The following COL5A1 variants were observed in gnomAD, a reference collection of about 807,000 sequenced individuals.
COL5A1 encodes the protein collagen alpha-1(V) chain.
Under a neutral mutation model 263.7 loss-of-function variants are expected in COL5A1, and 16 were observed. That is an observed-to-expected ratio of 0.06 (90% CI 0.04 to 0.09). The LOEUF is 0.09. Among genes scored for constraint, COL5A1 ranks in the 10% least tolerant of loss-of-function variants. The pLI, the probability that COL5A1 is intolerant of heterozygous loss-of-function variation, is 1.00. For synonymous variants in COL5A1, 1,012 were observed against 1,004.5 expected, an observed-to-expected ratio of 1.01 and a Z score of -0.14; for missense variants, 2,036 against 2,540.5, an observed-to-expected ratio of 0.80 and a Z score of 4.27.
intron 16 of COL5A1, 113 bp from the exon 17 acceptor site, chr9:134,756,652 G>T: frequency 8.6e-7 from 1 of 1,168,442 alleles, no homozygotes; most frequent in Non-Finnish European, 1.3e-6. Flanking sequence ...TGACCTTGGG[G>T]GTGGGCGCGG....
rs144146163 is a variant in COL5A1 at position 134,715,795 on chromosome 9, C to T, written c.655-11471C>T. Among the ~76,000 whole-genome samples, 1,156 of 152,344 alleles carry T rather than the reference C, an allele frequency of 7.6e-3. 13 individuals carry two copies. Among genetic ancestry groups the T allele is most frequent in the African/African-American group, 0.027 (1,102 of 41,574 alleles). Reference sequence around the variant, plus strand: ...GTTACAGATTAACAGCATCTCAAGTCAGAAGAATTTTTCTTAGTACAGAAC... The same window carrying T: ...GTTACAGATTAACAGCATCTCAAGTTAGAAGAATTTTTCTTAGTACAGAAC... On this transcript the variant is annotated intron_variant, in intron 4 of 65. Transcript: ENST00000371817.
chr9:134,833,173 A>T (rs568864700), intron 64 of COL5A1, among the ~76,000 whole-genome samples: 1 of 152,236 alleles, frequency 6.6e-6, no homozygotes, highest in Non-Finnish European at 1.5e-5. Flanking sequence ...GGTCCTGCCT[A>T]GGCCAGGAGA....
At chr9:134,699,874 C>G in intron 2 of COL5A1, 35 bp from the exon 3 acceptor site, 1 of 1,605,870 alleles carries the variant, frequency 6.2e-7, no homozygotes, top group Non-Finnish European at 8.5e-7. Context: ...GCAGGGGCTC[C>G]CCGACTGCCT....
Position 134,829,514 on chromosome 9 carries a change from G to A in COL5A1, c.5068-462G>A, listed in dbSNP as rs560153358. 5.6e-3 allele frequency among the ~76,000 whole-genome samples: 818 copies of A among 145,842 alleles called. 17 individuals are homozygous for A. Among genetic ancestry groups the A allele is most frequent in the African/African-American group, 0.02 (773 of 38,338 alleles). On this transcript the variant is annotated intron_variant, in intron 63 of 65. Transcript: ENST00000371817. The stretch of plus-strand genomic sequence containing the variant: ...TCCTCACGCAGCCTCCAGTCTCCCC[G>A]AGGGCTGGGGCCAGGCTCCTCCTCA...
In COL5A1 at chr9:134,818,649, C is replaced by G; in HGVS notation, c.4231-7C>G. 6.2e-7 allele frequency: 1 copy of G among 1,605,828 alleles called. No homozygotes were observed. The highest frequency in any genetic ancestry group is 8.5e-7 in the Non-Finnish European group (1 of 1,176,472). On this transcript the variant is annotated splice_region_variant and splice_polypyrimidine_tract_variant and intron_variant, in intron 54 of 65. Coordinates refer to ENST00000371817, the MANE Select transcript of COL5A1 (RefSeq NM_000093.5). The surrounding 1 kb of genome is among the most constrained non-coding windows in gnomAD (Gnocchi z 6.0). ...CGGACCTCATTCTGCCCTCCGCCGT[C>G]CTGCAGGGAGAAGCCGGCTTGGAAG... is the stretch of plus-strand genomic sequence containing the variant.
intron 41 of COL5A1, among the ~76,000 whole-genome samples, chr9:134,805,850 C>T (rs559720083): frequency 2.0e-5 from 3 of 149,970 alleles, no homozygotes; most frequent in Non-Finnish European, 4.4e-5. Context: ...GGGGGTGCCT[C>T]ACAGACATGT....
Position 134,811,546 on chromosome 9 carries a change from G to A in COL5A1, c.3637G>A (p.Gly1213Ser). ...RGQQGLFGQK[G>S]DEGPRGFPGP... ...CCAGCAGGGCCTTTTCGGGCAGAAAGGTGATGAAGGTCCCAGAGGCTTTCC... is the reference window on the plus strand; with the variant it reads ...CCAGCAGGGCCTTTTCGGGCAGAAAAGTGATGAAGGTCCCAGAGGCTTTCC... The change falls in exon 46 of 66, where the codon GGT becomes AGT. Residue 1213 changes from glycine (G) to serine (S), a missense_variant. By Grantham distance (56) the Gly-to-Ser change is moderately conservative (BLOSUM62 0). This residue lies in a region of COL5A1 where 1,078 missense variants were observed against 1,521.4 expected (regional missense o/e 0.71). Transcript: ENST00000371817. The A allele has an allele frequency of 6.3e-7, 1 of 1,585,060 alleles. No homozygotes were observed. Among genetic ancestry groups the A allele is most frequent in the Non-Finnish European group, 8.6e-7 (1 of 1,165,088 alleles).
intron 1 of COL5A1, among the ~76,000 whole-genome samples, chr9:134,649,167 C>T (rs1232103270): frequency 6.6e-6 from 1 of 152,024 alleles, no homozygotes; most frequent in Non-Finnish European, 1.5e-5. Flanking sequence ...GGAGAGAAGA[C>T]CGTGGAATGA....
rs1588449752 is a variant in COL5A1, at chr9:134,701,038, C to T, written c.492-133C>T. 6.7e-6 allele frequency: 6 copies of T among 892,618 alleles called. No homozygotes were observed. The East Asian group carries it at 1.0e-4, about 15-fold the overall frequency. 55.3% of individuals were successfully genotyped at this position (892,618 alleles called of 1,614,324 possible). On this transcript the variant is annotated intron_variant, in intron 3 of 65. Transcript: ENST00000371817. ...ACTTGTCTGATTCCAGAGGCTGGGC[C>T]TTGATCTGCTCCGCCCCACCACGAT... is the stretch of plus-strand genomic sequence containing the variant.
intron 9 of COL5A1, among the ~76,000 whole-genome samples, chr9:134,734,215 C>T (rs984610871): frequency 2.0e-5 from 3 of 152,180 alleles, no homozygotes; most frequent in Non-Finnish European, 4.4e-5. Flanking sequence ...GTCGAGGTGG[C>T]CCCACAGGAA....
rs1838712838 is a variant in COL5A1, at chr9:134,815,583, T to G, written c.4022T>G (p.Val1341Gly). The change falls in exon 51 of 66, where the codon GTG becomes GGG. Residue 1341 changes from valine to glycine, a missense_variant. This residue lies in a region of COL5A1 where 1,078 missense variants were observed against 1,521.4 expected (regional missense o/e 0.71). Transcript: ENST00000371817. ...CTTCTTTCTTCCTTTCAGGGCCCAGTGGGTTTTCCTGGAGATCCTGGCCCC... is the reference window on the plus strand; with the variant it reads ...CTTCTTTCTTCCTTTCAGGGCCCAGGGGGTTTTCCTGGAGATCCTGGCCCC... ...DDGPKGSPGP[V>G]GFPGDPGPPG... 1 of 1,613,548 alleles carries G rather than the reference T, an allele frequency of 6.2e-7. No homozygotes were observed. The highest frequency in any genetic ancestry group is 8.5e-7 in the Non-Finnish European group (1 of 1,179,860).
At chr9:134,812,334 TC>T in intron 46 of COL5A1, 114 bp from the exon 47 acceptor site, 1 of 1,079,892 alleles carries the variant, frequency 9.3e-7, no homozygotes, top group South Asian at 1.3e-5. Flanking sequence ...AGAAGCACCT[TC>T]CCGGGGCTTC....
In COL5A1 at chr9:134,738,825, G is replaced by A; in HGVS notation, c.1494+17G>A. 6.2e-7 allele frequency: 1 copy of A among 1,608,984 alleles called. No homozygotes were observed. The highest frequency in any genetic ancestry group is 8.5e-7 in the Non-Finnish European group (1 of 1,175,506). On this transcript the variant is annotated intron_variant, in intron 11 of 65. Transcript: ENST00000371817. ...GGAGAAAGGGTAAGAGGTTGACTGT[G>A]TTTCCTGAGATCACACAAGGTGTGG...
rs570339432 is a variant in COL5A1, at chr9:134,827,828, C to T, written c.5067+1924C>T. Among the ~76,000 whole-genome samples the T allele has an allele frequency of 4.6e-5, 7 of 152,348 alleles. No individual in the cohort carries two copies. The South Asian group carries it at 1.2e-3, about 27-fold the overall frequency. ...GGGGAGCCCGCGCTTGCCCACATCC[C>T]GGGACTCTTCCAGGAAGAAGCTGCC... is the stretch of plus-strand genomic sequence containing the variant. On this transcript the variant is annotated intron_variant, in intron 63 of 65. Transcript: ENST00000371817.
chr9:134,658,453 G>A (rs1012628531), intron 1 of COL5A1, among the ~76,000 whole-genome samples: 28 of 152,074 alleles, frequency 1.8e-4, no homozygotes, highest in African/African-American at 4.6e-4. Flanking sequence ...ATGTGCCCCC[G>A]CCCCTGCACG....
At chr9:134,805,289 C>G (rs1838256260) in intron 41 of COL5A1, 75 bp downstream of exon 41, 1 of 1,542,952 alleles carries the variant, frequency 6.5e-7, no homozygotes, top group Non-Finnish European at 9.0e-7. Flanking sequence ...CCCCGAGAGC[C>G]CAGAGCATGC....
chr9:134,660,498 C>T (rs867369749), intron 1 of COL5A1, among the ~76,000 whole-genome samples: 35 of 152,360 alleles, frequency 2.3e-4, no homozygotes, highest in African/African-American at 7.5e-4. Context: ...CCAGAATTCA[C>T]TGTAAACAGT....
At chr9:134,840,376 G>A (rs1468126527) in intron 65 of COL5A1, among the ~76,000 whole-genome samples, 8 of 152,310 alleles carry the variant, frequency 5.3e-5, no homozygotes, top group South Asian at 2.1e-4. Context: ...TAGCAGGAAC[G>A]CATGCAGGGA....
Position 134,818,796 on chromosome 9 carries a change from G to T in COL5A1, c.4338+33G>T, listed in dbSNP as rs377347096. The T allele has an allele frequency of 4.3e-6, 7 of 1,612,260 alleles. No homozygotes were observed. The highest frequency in any genetic ancestry group is 5.9e-6 in the Non-Finnish European group (7 of 1,179,248). On this transcript the variant is annotated intron_variant, in intron 55 of 65. Transcript: ENST00000371817. The surrounding 1 kb of genome is among the most constrained non-coding windows in gnomAD (Gnocchi z 6.0). ...GGCTGTGAGGGGCAGAGGGGTTGCCGAGTGGAGGGACGGGGGACCAGCAAC... is the reference window on the plus strand; with the variant it reads ...GGCTGTGAGGGGCAGAGGGGTTGCCTAGTGGAGGGACGGGGGACCAGCAAC...
Sources: allele counts gnomAD v4.1 joint callset (sites outside exome capture counted in the v4.1 genomes callset), GRCh38; gene constraint gnomAD v4.1.1; regional missense constraint gnomAD v4.1.1; non-coding constraint Gnocchi (gnomAD v3.1); transcripts MANE v1.5; gene names NCBI Gene and HGNC (gene_info 2026-07-23, HGNC 2026-07-21).